The following KIF9 variants were observed in gnomAD, a reference collection of about 807,000 sequenced individuals.
KIF9 encodes kinesin-like protein KIF9.
A neutral mutation model predicts 94.8 loss-of-function variants in KIF9; 68 were observed. That is an observed-to-expected ratio of 0.72 (90% CI 0.59 to 0.88). KIF9 has a LOEUF of 0.88. KIF9 is among the 40% of genes least tolerant of loss of function. The pLI, the probability that KIF9 is intolerant of heterozygous loss-of-function variation, is 0.00. For synonymous variants in KIF9, 343 were observed against 362.1 expected, an observed-to-expected ratio of 0.95 and a Z score of 0.60; for missense variants, 882 against 982.5, an observed-to-expected ratio of 0.90 and a Z score of 1.37.
At chr3:47,276,870 C>T (rs1012691978) in intron 2 of KIF9, among the ~76,000 whole-genome samples, 1 of 152,182 alleles carries the variant, frequency 6.6e-6, no homozygotes, top group African/African-American at 2.4e-5. Flanking sequence ...ACGGATATAT[C>T]TTTCCACTTC....
intron 1 of KIF9, among the ~76,000 whole-genome samples, chr3:47,279,913 T>G (rs1486687035): frequency 6.6e-6 from 1 of 152,072 alleles, no homozygotes; most frequent in South Asian, 2.1e-4. Flanking sequence ...GTCCAATGGG[T>G]GTTACCTGAC....
At chr3:47,233,604 G>A (rs1311924554) in intron 20 of KIF9, among the ~76,000 whole-genome samples, 1 of 151,746 alleles carries the variant, frequency 6.6e-6, no homozygotes, top group East Asian at 1.9e-4. Flanking sequence ...GCTGAGGTGG[G>A]AGGATCGCTT....
intron 20 of KIF9, among the ~76,000 whole-genome samples, chr3:47,233,423 C>A (rs1032629655): frequency 7.1e-6 from 1 of 140,310 alleles, no homozygotes; most frequent in Admixed American, 7.2e-5. Flanking sequence ...CGGCCAGGTA[C>A]AATGGCTCAT....
In KIF9 at chr3:47,236,084, C is replaced by G. The variant is rs1484140803; in HGVS notation, c.2167G>C (p.Gly723Arg). The change falls in exon 19 of 21, where the codon GGC becomes CGC. Residue 723 changes from glycine to arginine, a missense_variant. Gly to Arg is a moderately radical substitution (Grantham distance 125). Coordinates refer to ENST00000684063, the MANE Select transcript of KIF9 (RefSeq NM_182902.4). ...PEDMQMALKPGGSIRPGMVPV... is the reference protein window; with the variant it reads ...PEDMQMALKPRGSIRPGMVPV... ...ACCATGCCTGGCCGGATGCTGCCGC[C>G]TGGCTTCAGTGCCATCTGCATGTCC... The G allele has an allele frequency of 2.5e-6, 4 of 1,614,224 alleles. No individual in the cohort carries two copies. In the Admixed American group the frequency reaches 5.0e-5, roughly 20 times the overall value.
intron 8 of KIF9, 77 bp downstream of exon 8, chr3:47,265,653 C>T: frequency 6.8e-7 from 1 of 1,468,264 alleles, no homozygotes; most frequent in Non-Finnish European, 9.4e-7. Context: ...CTATCATCAC[C>T]AGTGGCAGAT....
chr3:47,246,293 C>T, intron 12 of KIF9, 41 bp from the exon 13 acceptor site: 2 of 1,551,486 alleles, frequency 1.3e-6, no homozygotes, highest in African/African-American at 1.4e-5. Flanking sequence ...ACCAAGGGCA[C>T]CTCGAGGGAC....
chr3:47,261,270 G>T (rs1700954403), intron 9 of KIF9, among the ~76,000 whole-genome samples: 1 of 152,186 alleles, frequency 6.6e-6, no homozygotes. Context: ...TCTCTGCATA[G>T]AAGCATGCTC....
In KIF9 at chr3:47,244,686, C is replaced by T. The variant is rs532053901; in HGVS notation, c.1514+105G>A. The T allele has an allele frequency of 1.3e-5, 19 of 1,417,604 alleles. No homozygotes were observed. In the South Asian group the frequency reaches 2.2e-4, roughly 16 times the overall value. 87.8% of individuals were successfully genotyped at this position (1,417,604 alleles called of 1,614,324 possible). The stretch of plus-strand genomic sequence containing the variant: ...CAGCAGTGACGTCCATTGTGCCAAC[C>T]CAGTAGCTGAGACACCAGGGGGAAA... On this transcript the variant is annotated intron_variant, in intron 15 of 20. Transcript: ENST00000684063.
At chr3:47,230,996 G>A (rs1349918390) in intron 20 of KIF9, among the ~76,000 whole-genome samples, 1 of 152,000 alleles carries the variant, frequency 6.6e-6, no homozygotes. Flanking sequence ...CCGAGATTGC[G>A]CCACTTCACT....
Position 47,275,569 on chromosome 3 carries a change from C to T in KIF9, c.94-79G>A. Reference sequence around the variant, plus strand: ...AAAAAAAATCACTGATAGCTGAGGCCTAATCTGGAGGGAACAGAGGAAATG... The same window carrying T: ...AAAAAAAATCACTGATAGCTGAGGCTTAATCTGGAGGGAACAGAGGAAATG... On this transcript the variant is annotated intron_variant, in intron 2 of 20. Coordinates refer to ENST00000684063, the MANE Select transcript of KIF9 (RefSeq NM_182902.4). 2.8e-6 allele frequency: 3 copies of T among 1,089,044 alleles called. No individual in the cohort carries two copies. The South Asian group carries it at 4.0e-5, about 14-fold the overall frequency. 67.5% of individuals were successfully genotyped at this position (1,089,044 alleles called of 1,614,324 possible).
Position 47,258,094 on chromosome 3 carries a change from T to C in KIF9, c.982-534A>G, listed in dbSNP as rs139122237. Among the ~76,000 whole-genome samples, 142 of 152,336 alleles carry C rather than the reference T, an allele frequency of 9.3e-4. 2 individuals carry two copies. The East Asian group carries it at 0.022, about 23-fold the overall frequency. ...TGTCCAACAGAGATACAATGCAAAC[T>C]ACAAATGTAAGCCATACATGTAATT... is the stretch of plus-strand genomic sequence containing the variant. On this transcript the variant is annotated intron_variant, in intron 9 of 20. Transcript: ENST00000684063.
rs547401568 is a variant in KIF9 at position 47,245,686 on chromosome 3, T to C, written c.1290-175A>G. On this transcript the variant is annotated intron_variant, in intron 13 of 20. Transcript: ENST00000684063. ...AAAGGACTCACTTCCCCCTGCCCCA[T>C]TGCATATACCCACTGTCCGACCCCC... The C allele has an allele frequency of 6.4e-4, 394 of 611,658 alleles. 1 individual carries two copies. Among genetic ancestry groups the C allele is most frequent in the African/African-American group, 6.4e-3 (348 of 54,340 alleles). The allele number at this position is 611,658 out of a possible 1,614,324, so 37.9% of individuals were successfully genotyped here. A position where few individuals can be genotyped will look rare whatever the true frequency, so the allele number is the denominator to read the frequency against.
At chr3:47,246,493 C>T (rs1001041243) in intron 12 of KIF9, 4 of 296,850 alleles carry the variant, frequency 1.3e-5, no homozygotes, top group Non-Finnish European at 1.2e-5. Context: ...ACCACCTTTT[C>T]GAAGTGGAGA....
chr3:47,229,621 A>C (rs1196009179), intron 20 of KIF9, among the ~76,000 whole-genome samples: 1 of 152,230 alleles, frequency 6.6e-6, no homozygotes, highest in Non-Finnish European at 1.5e-5. Flanking sequence ...AAGTCTGTGC[A>C]TGGGCATATC....
intron 10 of KIF9, 127 bp from the exon 11 acceptor site, chr3:47,248,213 C>A: frequency 1.4e-6 from 1 of 734,142 alleles, no homozygotes; most frequent in Non-Finnish European, 2.4e-6. Context: ...CCTGGATCCA[C>A]AGGGTATGCT....
At chr3:47,262,731 T>C (rs1415215185) in intron 9 of KIF9, among the ~76,000 whole-genome samples, 1 of 152,162 alleles carries the variant, frequency 6.6e-6, no homozygotes, top group Non-Finnish European at 1.5e-5. Flanking sequence ...GGACAGTCCC[T>C]AATGCACACA....
At chr3:47,261,747 G>A (rs1401767141) in intron 9 of KIF9, among the ~76,000 whole-genome samples, 1 of 152,144 alleles carries the variant, frequency 6.6e-6, no homozygotes. Flanking sequence ...AGGTGTATAT[G>A]CGCTCTGTAC....
intron 5 of KIF9, among the ~76,000 whole-genome samples, chr3:47,267,953 C>T (rs1436992676): frequency 6.7e-6 from 1 of 149,672 alleles, no homozygotes; most frequent in Non-Finnish European, 1.5e-5. Flanking sequence ...CTCACTATAA[C>T]CTCTGCCTCC....
intron 1 of KIF9, among the ~76,000 whole-genome samples, chr3:47,278,982 A>G (rs1174705440): frequency 6.6e-6 from 1 of 151,914 alleles, no homozygotes; most frequent in Admixed American, 6.6e-5. Context: ...CAAAAAATAA[A>G]TAAATGAATA....
Sources: gnomAD v4.1 joint callset for allele counts (sites outside exome capture counted in the v4.1 genomes callset) on GRCh38, gnomAD v4.1.1 for gene constraint, MANE v1.5 for transcripts, NCBI Gene and HGNC (gene_info 2026-07-23, HGNC 2026-07-21) for gene names.